The following NFXL1 variants were observed in gnomAD, a reference collection of about 807,000 sequenced individuals.
NFXL1 encodes nuclear transcription factor, X-box binding like 1.
In NFXL1, 66 loss-of-function variants were observed where a neutral mutation model predicts 123.3. The ratio of observed to expected loss-of-function variants is 0.54; its 90% CI spans 0.44 to 0.66. The LOEUF is 0.66. NFXL1 is among the 30% of genes least tolerant of loss of function. The pLI, the probability that NFXL1 is intolerant of heterozygous loss-of-function variation, is 0.00. For synonymous variants in NFXL1, 346 were observed against 360.8 expected, an observed-to-expected ratio of 0.96 and a Z score of 0.46; for missense variants, 944 against 1,125.6, an observed-to-expected ratio of 0.84 and a Z score of 2.31.
Position 47,851,870 on chromosome 4 carries a change from G to A in NFXL1, c.2494C>T (p.Arg832Trp), listed in dbSNP as rs377222212. 31 of 1,603,568 alleles carry A rather than the reference G, an allele frequency of 1.9e-5. No individual in the cohort carries two copies. The highest frequency in any genetic ancestry group is 1.7e-4 in the African/African-American group (13 of 74,702). Residue 832 changes from arginine to tryptophan, a missense_variant, in exon 21 of 23, where the codon CGG (arginine) becomes TGG (tryptophan). By Grantham distance (101) the Arg-to-Trp change is moderately radical. Coordinates refer to ENST00000507489, the MANE Select transcript of NFXL1 (RefSeq NM_001278624.2). ...ECDTTCKEMK[R>W]KASEIKEAEA... ...CGAGACATTACCTCAGATGCTTTCC[G>A]CTTCATTTCCTTGCACGTTGTGTCA...
At chr4:47,865,281 A>AAT (rs895786208) in intron 18 of NFXL1, among the ~76,000 whole-genome samples, 7 of 152,322 alleles carry the variant, frequency 4.6e-5, no homozygotes, top group Admixed American at 3.3e-4. Flanking sequence ...GAAGCGATAG[A>AAT]ATTCTATATT....
At chr4:47,874,145 T>A (rs1456434612) in intron 18 of NFXL1, among the ~76,000 whole-genome samples, 2 of 152,228 alleles carry the variant, frequency 1.3e-5, no homozygotes, top group African/African-American at 4.8e-5. Flanking sequence ...TTTCTCCATA[T>A]CAGCAATAAG....
At chr4:47,871,582 C>G (rs1475424940) in intron 18 of NFXL1, among the ~76,000 whole-genome samples, 1 of 152,232 alleles carries the variant, frequency 6.6e-6, no homozygotes, top group Admixed American at 6.5e-5. Context: ...TGCTAAAATT[C>G]GTGGGTGAAA....
chr4:47,877,267 C>T (rs1355821714), intron 17 of NFXL1: 1 of 430,220 alleles, frequency 2.3e-6, no homozygotes, highest in Non-Finnish European at 4.7e-6. Context: ...ACTGAATCTA[C>T]ACTTACTAAA....
chr4:47,905,267 A>C lies in NFXL1; in HGVS notation c.486T>G (p.Ile162Met). ...AFQAGAMTCL[I>M]CIASVKRNQA... Reference sequence around the variant, plus strand: ...GGTTTCTCTTCACCGAAGCAATACAAATTAGGCATGTCATAGCCCCTGCTT... The same window carrying C: ...GGTTTCTCTTCACCGAAGCAATACACATTAGGCATGTCATAGCCCCTGCTT... The change falls in exon 4 of 23, where the codon ATT becomes ATG. Residue 162 changes from isoleucine (I) to methionine (M), a missense_variant. Physicochemically the swap from Ile to Met is conservative, Grantham distance 10. Around this residue, in one of 4 missense-constraint regions of NFXL1, gnomAD observed 303 missense variants for 292.1 expected, o/e 1.04. Transcript: ENST00000507489. 6.3e-7 allele frequency: 1 copy of C among 1,586,390 alleles called. No homozygotes were observed. The highest frequency in any genetic ancestry group is 8.6e-7 in the Non-Finnish European group (1 of 1,157,292).
At chr4:47,891,100 CT>C (rs1736739261) in intron 11 of NFXL1, among the ~76,000 whole-genome samples, 1 of 148,092 alleles carries the variant, frequency 6.8e-6, no homozygotes, top group Non-Finnish European at 1.5e-5. Context: ...TATTTATTTT[CT>C]TTTTCTTTTT....
intron 5 of NFXL1, among the ~76,000 whole-genome samples, chr4:47,900,360 C>T (rs1304978499): frequency 1.3e-5 from 2 of 152,158 alleles, no homozygotes; most frequent in Admixed American, 1.3e-4. Flanking sequence ...CAGGTGCACG[C>T]CACCACGTCC....
intron 18 of NFXL1, among the ~76,000 whole-genome samples, chr4:47,867,747 T>G (rs1735188271): frequency 6.6e-6 from 1 of 152,036 alleles, no homozygotes; most frequent in Non-Finnish European, 1.5e-5. Context: ...ATCAAATTTC[T>G]CAAAAGTAAA....
intron 5 of NFXL1, among the ~76,000 whole-genome samples, chr4:47,900,409 C>T (rs143726344): frequency 6.6e-6 from 1 of 152,222 alleles, no homozygotes; most frequent in Admixed American, 6.5e-5. Flanking sequence ...CGGGGTTTTG[C>T]CATGTTGGCC....
At chr4:47,891,740 G>A (rs539535942) in intron 11 of NFXL1, among the ~76,000 whole-genome samples, 1 of 152,132 alleles carries the variant, frequency 6.6e-6, no homozygotes, top group South Asian at 2.1e-4. Context: ...AAAACAAAAT[G>A]TACATTATTA....
chr4:47,864,008 C>T (rs1403230827), intron 18 of NFXL1, among the ~76,000 whole-genome samples: 1 of 152,106 alleles, frequency 6.6e-6, no homozygotes, highest in African/African-American at 2.4e-5. Context: ...TTAATTAAAA[C>T]TATTATCTAA....
chr4:47,869,364 T>C (rs559151793), intron 18 of NFXL1, among the ~76,000 whole-genome samples: 2 of 152,208 alleles, frequency 1.3e-5, no homozygotes, highest in Non-Finnish European at 2.9e-5. Flanking sequence ...TTTACGATAT[T>C]ACATCTTCTC....
chr4:47,909,003 T>TA (rs2110108827), intron 3 of NFXL1, among the ~76,000 whole-genome samples: 1 of 150,302 alleles, frequency 6.7e-6, no homozygotes, highest in South Asian at 2.1e-4. Flanking sequence ...AAGCAGCAGT[T>TA]ACGATAGAAA....
chr4:47,913,308 G>A (rs991927300), intron 2 of NFXL1, among the ~76,000 whole-genome samples: 9 of 152,162 alleles, frequency 5.9e-5, no homozygotes, highest in Non-Finnish European at 1.3e-4. Context: ...TGGATGAAAA[G>A]TATTGATATA....
intron 22 of NFXL1, 36 bp from the exon 23 acceptor site, chr4:47,848,372 TGC>T: frequency 1.4e-6 from 2 of 1,468,654 alleles, no homozygotes; most frequent in Non-Finnish European, 1.9e-6. Flanking sequence ...TTAAATTCAA[TGC>T]ATACATTGAT....
intron 12 of NFXL1, among the ~76,000 whole-genome samples, chr4:47,888,500 T>C (rs995402249): frequency 6.6e-6 from 1 of 152,196 alleles, no homozygotes; most frequent in African/African-American, 2.4e-5. Context: ...AAGGAAAATT[T>C]TGTTGTGACT....
intron 17 of NFXL1, 103 bp downstream of exon 17, chr4:47,878,422 G>T: frequency 1.1e-6 from 1 of 877,964 alleles, no homozygotes; most frequent in Non-Finnish European, 1.7e-6. Context: ...CAAAAAAAGA[G>T]ACAGGAAGCT....
intron 5 of NFXL1, among the ~76,000 whole-genome samples, chr4:47,902,734 G>GA (rs971184296): frequency 1.3e-5 from 2 of 151,944 alleles, no homozygotes; most frequent in African/African-American, 2.4e-5. Context: ...AATTCAAATT[G>GA]AAAAAAACAA....
chr4:47,855,263 G>A (rs1734343379), intron 19 of NFXL1, 100 bp from the exon 20 acceptor site: 1 of 606,032 alleles, frequency 1.7e-6, no homozygotes, highest in Admixed American at 2.9e-5. Context: ...ATCACACAAA[G>A]GGTCAATCAA....
Sources: gnomAD v4.1 joint callset for allele counts (sites outside exome capture counted in the v4.1 genomes callset) on GRCh38, gnomAD v4.1.1 for gene constraint, gnomAD v4.1.1 regional missense constraint, MANE v1.5 for transcripts, NCBI Gene and HGNC (gene_info 2026-07-23, HGNC 2026-07-21) for gene names.